AGBL1: variants seen among roughly 807,000 people sequenced by gnomAD.
The protein encoded by AGBL1 is cytosolic carboxypeptidase 4.
AGBL1 carries 130 observed loss-of-function variants against 118.9 expected under a neutral mutation model. The ratio of observed to expected loss-of-function variants is 1.09; its 90% CI spans 0.95 to 1.26. The LOEUF is 1.26. AGBL1 is among the 50% of genes most tolerant of loss of function. The pLI is 0.00. For missense variants in AGBL1, 1,584 were observed against 1,298.1 expected, an observed-to-expected ratio of 1.22 and a Z score of -3.38; for synonymous variants, 555 against 478.9, an observed-to-expected ratio of 1.16 and a Z score of -2.08.
At chr15:86,692,351 A>G (rs1476105562) in intron 22 of AGBL1, among the ~76,000 whole-genome samples, 1 of 152,090 alleles carries the variant, frequency 6.6e-6, no homozygotes, top group African/African-American at 2.4e-5. Flanking sequence ...GAAGCAATAA[A>G]GAAAAGGTGA....
chr15:86,985,031 A>G (rs2570121), intron 23 of AGBL1, among the ~76,000 whole-genome samples: 123,995 of 152,170 alleles, frequency 0.81, 51,133 homozygotes, highest in South Asian at 0.94. Flanking sequence ...ATAATGATTC[A>G]TTCATGGAGA....
chr15:86,628,356 T>C (rs1337780600), intron 21 of AGBL1, among the ~76,000 whole-genome samples: 2 of 152,196 alleles, frequency 1.3e-5, no homozygotes, highest in African/African-American at 4.8e-5. Context: ...CAACTCCTTA[T>C]TGGCTCTTTG....
chr15:86,397,444 T>C lies in AGBL1; in HGVS notation c.2453T>C (p.Leu818Ser). The C allele has an allele frequency of 6.2e-7, 1 of 1,613,186 alleles. No homozygotes were observed. Among genetic ancestry groups the C allele is most frequent in the African/African-American group, 1.3e-5 (1 of 74,988 alleles). The change falls in exon 18 of 23, where the codon TTG becomes TCG. Residue 818 changes from leucine to serine, a missense_variant. Leu to Ser is a moderately radical substitution (Grantham distance 145, BLOSUM62 -2). Transcript: ENST00000614907. Reference sequence around the variant, plus strand: ...GCCAGTTGGGTGATGAAGGGTACCTTGGAGTTCCTGGTCAGCAGTGACCCT... The same window carrying C: ...GCCAGTTGGGTGATGAAGGGTACCTCGGAGTTCCTGGTCAGCAGTGACCCT... Reference protein sequence around the residue: ...SNASWVMKGTLEFLVSSDPVA... With the variant: ...SNASWVMKGTSEFLVSSDPVA...
chr15:86,945,938 G>T (rs1434148456), intron 23 of AGBL1, among the ~76,000 whole-genome samples: 1 of 152,206 alleles, frequency 6.6e-6, no homozygotes, highest in Non-Finnish European at 1.5e-5. Flanking sequence ...TCACATTAAA[G>T]TGCCTTCATG....
chr15:86,330,850 G>A (rs536371875), intron 17 of AGBL1, among the ~76,000 whole-genome samples: 2 of 152,194 alleles, frequency 1.3e-5, no homozygotes, highest in Admixed American at 6.5e-5. Context: ...ATAATAACTG[G>A]ACGAATTGGA....
At position 86,457,915 on chromosome 15, in the gene AGBL1, C is replaced by T. The variant is rs1420763181; in HGVS notation, c.2555+60369C>T. ...GTGCCCCCGATTCTTCCATGTGGGG[C>T]CCTTGGCCTCTTTCAACTGTCAGTG... On this transcript the variant is annotated intron_variant, in intron 18 of 22. Transcript: ENST00000614907. Among the ~76,000 whole-genome samples the T allele has an allele frequency of 2.6e-5, 4 of 152,208 alleles. No individual in the cohort carries two copies. In the East Asian group the frequency reaches 5.8e-4, roughly 22 times the overall value.
At chr15:86,327,224 G>A (rs963825299) in intron 17 of AGBL1, among the ~76,000 whole-genome samples, 1 of 152,182 alleles carries the variant, frequency 6.6e-6, no homozygotes, top group African/African-American at 2.4e-5. Context: ...TGGAGGGTGT[G>A]CATGACAAGG....
At chr15:86,204,736 T>G (rs1347742739) in intron 5 of AGBL1, among the ~76,000 whole-genome samples, 1 of 152,124 alleles carries the variant, frequency 6.6e-6, no homozygotes, top group African/African-American at 2.4e-5. Flanking sequence ...ACTACAGGCG[T>G]GCACCACCAT....
chr15:86,349,447 T>C (rs1297735538), intron 17 of AGBL1, among the ~76,000 whole-genome samples: 2 of 152,224 alleles, frequency 1.3e-5, no homozygotes, highest in African/African-American at 4.8e-5. Context: ...TTGAGGTGTT[T>C]CTATGTTTGC....
At chr15:86,124,235 CAGG>C (rs1898268470) in intron 1 of AGBL1, among the ~76,000 whole-genome samples, 1 of 149,296 alleles carries the variant, frequency 6.7e-6, no homozygotes, top group Admixed American at 6.8e-5. Context: ...GAGGCTGAGG[CAGG>C]AGAATTGCTT....
At chr15:86,402,672 G>A (rs1408829859) in intron 18 of AGBL1, among the ~76,000 whole-genome samples, 2 of 152,122 alleles carry the variant, frequency 1.3e-5, no homozygotes, top group Non-Finnish European at 2.9e-5. Flanking sequence ...GCCTTATGGA[G>A]CTTGCAATAA....
chr15:86,151,671 G>A (rs2141679725), intron 3 of AGBL1, among the ~76,000 whole-genome samples: 1 of 152,254 alleles, frequency 6.6e-6, no homozygotes, highest in East Asian at 1.9e-4. Context: ...GGAAGTTCTG[G>A]CCAGGACAAT....
intron 22 of AGBL1, among the ~76,000 whole-genome samples, chr15:86,839,149 A>T (rs1032413266): frequency 2.0e-5 from 3 of 151,988 alleles, no homozygotes; most frequent in Non-Finnish European, 4.4e-5. Flanking sequence ...GTTGACAGTA[A>T]ATGAACACCC....
chr15:86,245,059 A>T (rs2078698648), intron 6 of AGBL1, among the ~76,000 whole-genome samples: 1 of 152,190 alleles, frequency 6.6e-6, no homozygotes, highest in Admixed American at 6.5e-5. Flanking sequence ...GTTTAGGGTC[A>T]TGTTGTAAAG....
intron 21 of AGBL1, among the ~76,000 whole-genome samples, chr15:86,557,563 C>A (rs183222147): frequency 2.0e-5 from 3 of 152,154 alleles, no homozygotes; most frequent in Admixed American, 2.0e-4. Flanking sequence ...TCTCTACCTG[C>A]GAGCTGCATC....
At chr15:86,868,022 A>G (rs1388472662) in intron 22 of AGBL1, among the ~76,000 whole-genome samples, 1 of 152,234 alleles carries the variant, frequency 6.6e-6, no homozygotes, top group African/African-American at 2.4e-5. Context: ...GCCATGATCC[A>G]AGAGATGTCA....
intron 22 of AGBL1, among the ~76,000 whole-genome samples, chr15:86,815,980 G>A (rs1218608343): frequency 6.6e-6 from 1 of 152,228 alleles, no homozygotes; most frequent in African/African-American, 2.4e-5. Context: ...TGAGGTGGTA[G>A]TAAGTGTAAC....
chr15:86,974,543 T>A (rs1396335986), intron 23 of AGBL1, among the ~76,000 whole-genome samples: 1 of 129,680 alleles, frequency 7.7e-6, no homozygotes, highest in Non-Finnish European at 1.7e-5. Context: ...TATATAAAAA[T>A]TATATAATTA....
chr15:86,641,834 C>G (rs2142469723), intron 21 of AGBL1, among the ~76,000 whole-genome samples: 1 of 152,298 alleles, frequency 6.6e-6, no homozygotes, highest in African/African-American at 2.4e-5. Flanking sequence ...GCAAACTACT[C>G]TGTAACTCAG....
Sources: gnomAD v4.1 joint callset for allele counts (sites outside exome capture counted in the v4.1 genomes callset) on GRCh38, gnomAD v4.1.1 for gene constraint, MANE v1.5 for transcripts, NCBI Gene and HGNC (gene_info 2026-07-23, HGNC 2026-07-21) for gene names.